Variants in NBAS observed in about 807,000 individuals in gnomAD.
The protein encoded by NBAS is NAG/BC035112 fusion.
A neutral mutation model predicts 302.5 loss-of-function variants in NBAS; 219 were observed. The observed-to-expected ratio is 0.72, with a 90% CI of 0.65 to 0.81. NBAS has a LOEUF of 0.81. Ranked by LOEUF, NBAS falls within the 30% of genes least tolerant of loss-of-function variation. NBAS has a pLI of 0.00. For missense variants in NBAS, 2,932 were observed against 2,841.6 expected (o/e 1.03, Z -0.72); for synonymous variants, 1,118 against 1,021.6 (o/e 1.09, Z -1.80).
chr2:15,075,142 A>C, the NBAS span, among the ~76,000 whole-genome samples: 1 of 152,334 alleles, frequency 6.6e-6, no homozygotes, highest in African/African-American at 2.4e-5. Context: ...AATAGCAAAA[A>C]CCCTGAAATA....
chr2:15,002,523 G>A, the NBAS span, among the ~76,000 whole-genome samples: 3 of 152,292 alleles, frequency 2.0e-5, no homozygotes, highest in Admixed American at 6.5e-5. Context: ...CCAGTCCCAC[G>A]CCGTGCGCCC....
chr2:15,038,980 C>T, the NBAS span, among the ~76,000 whole-genome samples: 1 of 152,212 alleles, frequency 6.6e-6, no homozygotes, highest in African/African-American at 2.4e-5. Context: ...TCCATCTCTG[C>T]TCTGGCTCCT....
the NBAS span, among the ~76,000 whole-genome samples, chr2:15,134,624 T>A: frequency 5.3e-5 from 8 of 152,198 alleles, no homozygotes; most frequent in Non-Finnish European, 5.9e-5. Flanking sequence ...CAGCAGACAG[T>A]CAGAAATGCA....
intron 50 of NBAS, among the ~76,000 whole-genome samples, chr2:15,181,817 T>C (rs1393242475): frequency 6.6e-6 from 1 of 152,218 alleles, no homozygotes; most frequent in African/African-American, 2.4e-5. Flanking sequence ...TCTCCTACTG[T>C]CCCTGGAGTA....
At chr2:15,063,730 T>C in the NBAS span, among the ~76,000 whole-genome samples, 1 of 152,100 alleles carries the variant, frequency 6.6e-6, no homozygotes, top group Non-Finnish European at 1.5e-5. Context: ...GAACAGGCCA[T>C]GTGAGGACTT....
chr2:15,109,315 G>A, the NBAS span, among the ~76,000 whole-genome samples: 1 of 152,130 alleles, frequency 6.6e-6, no homozygotes, highest in African/African-American at 2.4e-5. Context: ...ACAACCAACA[G>A]TCATGAATGT....
At chr2:14,872,714 T>C in the NBAS span, among the ~76,000 whole-genome samples, 38,760 of 151,966 alleles carry the variant, frequency 0.26, 8,948 homozygotes, top group African/African-American at 0.62. Flanking sequence ...GCTTCAGGAG[T>C]GAAGCTGCAG....
Position 15,461,293 on chromosome 2 carries a change from ACCAT to A in NBAS, c.2243_2246del (p.His748LeufsTer38). The A allele has an allele frequency of 1.2e-6, 2 of 1,612,368 alleles. No homozygotes were observed. The highest frequency in any genetic ancestry group is 1.7e-6 in the Non-Finnish European group (2 of 1,178,464). Reference sequence around the variant, plus strand: ...CAAGGCGATGAGGAAGCAGGTCGGAACCATGGTAAGTAAACAGAATTTCCAGGGC... The same window carrying A: ...CAAGGCGATGAGGAAGCAGGTCGGAAGGTAAGTAAACAGAATTTCCAGGGC... On this transcript the variant is annotated frameshift_variant, in exon 21 of 52. Transcript: ENST00000281513. LOFTEE classifies it high-confidence loss of function.
At chr2:15,454,902 T>C (rs990278906) in intron 21 of NBAS, among the ~76,000 whole-genome samples, 1 of 141,294 alleles carries the variant, frequency 7.1e-6, no homozygotes, top group Non-Finnish European at 1.5e-5. Context: ...CATAAAACTA[T>C]ACTGCAATTT....
In NBAS at chr2:15,218,498, A is replaced by C. The variant is rs1394580456; in HGVS notation, c.6432+275T>G. ...GGAGTGCAGTGGTGCCATCTCGACCACTGCAATCTCCATCTCCCAGGTTTA... is the reference window on the plus strand; with the variant it reads ...GGAGTGCAGTGGTGCCATCTCGACCCCTGCAATCTCCATCTCCCAGGTTTA... On this transcript the variant is annotated intron_variant, in intron 48 of 51. Coordinates refer to ENST00000281513, the MANE Select transcript of NBAS (RefSeq NM_015909.4). 2.0e-5 allele frequency among the ~76,000 whole-genome samples: 3 copies of C among 152,062 alleles called. No homozygotes were observed. In the East Asian group the frequency reaches 5.8e-4, roughly 29 times the overall value.
the NBAS span, among the ~76,000 whole-genome samples, chr2:15,050,228 A>G: frequency 6.6e-6 from 1 of 151,978 alleles, no homozygotes; most frequent in African/African-American, 2.4e-5. Context: ...GCGCCACTAC[A>G]TGGTATATAT....
At chr2:15,280,052 T>C (rs973791926) in intron 42 of NBAS, among the ~76,000 whole-genome samples, 2 of 152,180 alleles carry the variant, frequency 1.3e-5, no homozygotes, top group African/African-American at 4.8e-5. Flanking sequence ...GCAGCTTATA[T>C]ACATAGTGCA....
rs534893309 is a variant in NBAS at position 15,236,255 on chromosome 2, T to A, written c.5944-1508A>T. Among the ~76,000 whole-genome samples, 2 of 152,116 alleles carry A rather than the reference T, an allele frequency of 1.3e-5. 1 individual carries two copies. The highest frequency in any genetic ancestry group is 4.1e-4 in the South Asian group (2 of 4,822). ...TCCCCTTGAATCCCCCCATAAACTATTCTAGGTATTGGAAGACAATACTTG... is the reference window on the plus strand; with the variant it reads ...TCCCCTTGAATCCCCCCATAAACTAATCTAGGTATTGGAAGACAATACTTG... On this transcript the variant is annotated intron_variant, in intron 45 of 51. Transcript: ENST00000281513.
the NBAS span, among the ~76,000 whole-genome samples, chr2:15,147,319 C>T: frequency 1.3e-5 from 2 of 152,140 alleles, no homozygotes; most frequent in East Asian, 1.9e-4. Flanking sequence ...CTGGGCTGGG[C>T]GTGGTGGCTC....
At chr2:15,469,881 A>G (rs1027410546) in intron 16 of NBAS, among the ~76,000 whole-genome samples, 1 of 151,652 alleles carries the variant, frequency 6.6e-6, no homozygotes, top group Non-Finnish European at 1.5e-5. Context: ...AGATATGCCT[A>G]ATGTAAATGA....
At chr2:15,377,224 C>T (rs1674786184) in intron 30 of NBAS, among the ~76,000 whole-genome samples, 1 of 151,882 alleles carries the variant, frequency 6.6e-6, no homozygotes, top group South Asian at 2.1e-4. Context: ...AGATGAACAC[C>T]CCAAAAGAAA....
chr2:15,548,292 C>T (rs2148704849), intron 6 of NBAS, among the ~76,000 whole-genome samples: 1 of 152,300 alleles, frequency 6.6e-6, no homozygotes, highest in African/African-American at 2.4e-5. Flanking sequence ...GATATGGCCC[C>T]TGCCATCAAA....
At chr2:14,782,938 A>C in the NBAS span, among the ~76,000 whole-genome samples, 1 of 152,260 alleles carries the variant, frequency 6.6e-6, no homozygotes, top group East Asian at 1.9e-4. Context: ...GGGGAATAAT[A>C]GACACTGAGG....
At chr2:15,307,942 G>C (rs1558520888) in intron 40 of NBAS, among the ~76,000 whole-genome samples, 1 of 152,126 alleles carries the variant, frequency 6.6e-6, no homozygotes, top group African/African-American at 2.4e-5. Flanking sequence ...TACTACTTTA[G>C]CCATTCCTAA....
Sources: gnomAD v4.1 joint callset for allele counts (sites outside exome capture counted in the v4.1 genomes callset) on GRCh38, gnomAD v4.1.1 for gene constraint, MANE v1.5 for transcripts, NCBI Gene and HGNC (gene_info 2026-07-23, HGNC 2026-07-21) for gene names.